PRKAR1B: variants seen among roughly 807,000 people sequenced by gnomAD.
PRKAR1B encodes the protein cAMP-dependent protein kinase type I-beta regulatory subunit.
A neutral mutation model predicts 46.5 loss-of-function variants in PRKAR1B; 22 were observed. The ratio of observed to expected loss-of-function variants is 0.47; its 90% CI spans 0.34 to 0.68. PRKAR1B has a LOEUF of 0.68. PRKAR1B is among the 30% of genes least tolerant of loss of function. The pLI is 0.01. For synonymous variants in PRKAR1B, 259 were observed against 217.7 expected (o/e 1.19, Z -1.67); for missense variants, 445 against 535.6 (o/e 0.83, Z 1.67).
At chr7:589,519 T>C (rs1022723872) in intron 7 of PRKAR1B, among the ~76,000 whole-genome samples, 3 of 151,958 alleles carry the variant, frequency 2.0e-5, no homozygotes, top group African/African-American at 7.3e-5. Flanking sequence ...CCTCCCGAGA[T>C]CCACACTTTC....
In PRKAR1B at chr7:666,496, G is replaced by A. The variant is rs1002937019; in HGVS notation, c.440+10733C>T. Among the ~76,000 whole-genome samples, 8 of 152,216 alleles carry A rather than the reference G, an allele frequency of 5.3e-5. No individual in the cohort carries two copies. Among genetic ancestry groups the A allele is most frequent in the Non-Finnish European group, 1.2e-4 (8 of 68,032 alleles). The stretch of plus-strand genomic sequence containing the variant: ...TGCACCTACCACCACCCTGGGGCCT[G>A]CCCTGGGAGCTACTCAACTCTGCAG... On this transcript the variant is annotated intron_variant, in intron 4 of 10. Transcript: ENST00000537384. The surrounding 1 kb of genome is among the most constrained non-coding windows in gnomAD (Gnocchi z 4.9).
At chr7:694,869 C>T (rs143428152) in intron 2 of PRKAR1B, among the ~76,000 whole-genome samples, 2,129 of 152,158 alleles carry the variant, frequency 0.014, 51 homozygotes, top group African/African-American at 0.048. Flanking sequence ...AACCCCATCT[C>T]TATTAAAAAT....
intron 9 of PRKAR1B, among the ~76,000 whole-genome samples, chr7:568,210 C>T (rs1431995039): frequency 2.0e-5 from 3 of 152,172 alleles, no homozygotes; most frequent in South Asian, 2.1e-4. Context: ...AGCACCCCCT[C>T]GGTCTGGCCC....
chr7:558,733 C>T (rs183882853), intron 9 of PRKAR1B, among the ~76,000 whole-genome samples: 1 of 152,020 alleles, frequency 6.6e-6, no homozygotes, highest in African/African-American at 2.4e-5. Context: ...GCCTGGGCAA[C>T]AAGAGCGAAA....
At chr7:700,187 G>A (rs182933298) in intron 2 of PRKAR1B, among the ~76,000 whole-genome samples, 6 of 152,228 alleles carry the variant, frequency 3.9e-5, no homozygotes, top group African/African-American at 1.2e-4. Context: ...GCTGAGGACT[G>A]AGCTGCAAGC....
chr7:556,585 C>T (rs934206397), intron 9 of PRKAR1B, among the ~76,000 whole-genome samples: 16 of 152,238 alleles, frequency 1.1e-4, no homozygotes, highest in African/African-American at 3.1e-4. Context: ...GGGCCCCACC[C>T]GTGAGGCAAA....
At chr7:694,918 C>T (rs1287525486) in intron 2 of PRKAR1B, among the ~76,000 whole-genome samples, 1 of 152,054 alleles carries the variant, frequency 6.6e-6, no homozygotes, top group African/African-American at 2.4e-5. Context: ...CACCTGTCAT[C>T]CCAGCTACTC....
rs1411311360 is a variant in PRKAR1B, at chr7:680,649, G to T, written c.255C>A (p.Thr85=). Residue 85 remains threonine (T), a synonymous_variant, in exon 3 of 11, where the codon ACC becomes ACA. Coordinates refer to ENST00000537384, the MANE Select transcript of PRKAR1B (RefSeq NM_001164760.2). The part of the protein sequence containing the change: ...SDSHDEEVSP[T]PPNPVVKARR... Reference sequence around the variant, plus strand: ...GGGCCTTCACCACAGGGTTCGGGGGGGTGGGCGACACCTCCTCATCATGGG... The same window carrying T: ...GGGCCTTCACCACAGGGTTCGGGGGTGTGGGCGACACCTCCTCATCATGGG... 3 of 1,613,444 alleles carry T rather than the reference G, an allele frequency of 1.9e-6. No individual in the cohort carries two copies. The highest frequency in any genetic ancestry group is 1.7e-6 in the Non-Finnish European group (2 of 1,179,860).
chr7:701,205 G>A (rs1780042523), intron 2 of PRKAR1B, among the ~76,000 whole-genome samples: 1 of 148,918 alleles, frequency 6.7e-6, no homozygotes, highest in Non-Finnish European at 1.5e-5. Context: ...AGAAAAGAAG[G>A]AAGGAAGGAG....
Position 606,188 on chromosome 7 carries a change from C to A in PRKAR1B, c.549+5G>T. ...ATTTTCCAAAGACAAGTTAGCGACA[C>A]TCACATCCACTTCCCCTTGATCAAC... is the stretch of plus-strand genomic sequence containing the variant. On this transcript the variant is annotated splice_donor_5th_base_variant and intron_variant, in intron 6 of 10. Transcript: ENST00000537384. 1 of 1,613,942 alleles carries A rather than the reference C, an allele frequency of 6.2e-7. No individual in the cohort carries two copies. Among genetic ancestry groups the A allele is most frequent in the Non-Finnish European group, 8.5e-7 (1 of 1,179,856 alleles).
chr7:622,556 A>G (rs1387456957), intron 4 of PRKAR1B, among the ~76,000 whole-genome samples: 1 of 152,154 alleles, frequency 6.6e-6, no homozygotes. Flanking sequence ...GTTTTTTTCA[A>G]CTCTCTATTT....
intron 2 of PRKAR1B, among the ~76,000 whole-genome samples, chr7:689,122 T>A (rs544995779): frequency 4.0e-5 from 6 of 149,012 alleles, no homozygotes; most frequent in East Asian, 3.9e-4. Context: ...GAAAAAAAAA[T>A]TTTTTTTTTT....
At chr7:695,030 C>CAAAA (rs924223625) in intron 2 of PRKAR1B, among the ~76,000 whole-genome samples, 1,970 of 78,478 alleles carry the variant, frequency 0.025, 69 homozygotes, top group African/African-American at 0.083. Flanking sequence ...GACTCCGTCT[C>CAAAA]AAAAAAAAAA....
At chr7:564,559 C>T (rs992162227) in intron 9 of PRKAR1B, among the ~76,000 whole-genome samples, 1 of 152,220 alleles carries the variant, frequency 6.6e-6, no homozygotes, top group African/African-American at 2.4e-5. Context: ...CGCATTCAGG[C>T]CCTCGACTCC....
chr7:621,235 C>T (rs2128473887), intron 4 of PRKAR1B, among the ~76,000 whole-genome samples: 1 of 152,292 alleles, frequency 6.6e-6, no homozygotes, highest in Non-Finnish European at 1.5e-5. Flanking sequence ...AGAACTCAAC[C>T]AGTGAAACCA....
chr7:717,813 T>C (rs1208316620), intron 1 of PRKAR1B, among the ~76,000 whole-genome samples: 2 of 152,152 alleles, frequency 1.3e-5, no homozygotes, highest in Non-Finnish European at 2.9e-5. Context: ...CACTCTCAGA[T>C]GGCCACAGGG....
chr7:643,567 A>G (rs1424976668), intron 4 of PRKAR1B, among the ~76,000 whole-genome samples: 1 of 151,344 alleles, frequency 6.6e-6, no homozygotes, highest in East Asian at 1.9e-4. Flanking sequence ...TAATAAAAAT[A>G]CAAAATTAGC....
In PRKAR1B at chr7:714,282, G is replaced by C. The variant is rs1780796694; in HGVS notation, c.-22-2755C>G. 6.6e-6 allele frequency among the ~76,000 whole-genome samples: 1 copy of C among 152,182 alleles called. No individual in the cohort carries two copies. The highest frequency in any genetic ancestry group is 1.5e-5 in the Non-Finnish European group (1 of 68,022). On this transcript the variant is annotated intron_variant, in intron 1 of 10. Transcript: ENST00000537384. This position sits in a 1 kb window ranked among gnomAD's most constrained non-coding sequence, Gnocchi z 4.3. ...AGACTTCCCCCACACCGTGCCTCTA[G>C]AGGAGAGTGGAGGCACCTCTCTGGC...
intron 8 of PRKAR1B, among the ~76,000 whole-genome samples, chr7:582,360 C>T (rs1288664174): frequency 2.6e-5 from 4 of 152,380 alleles, no homozygotes; most frequent in Middle Eastern, 3.4e-3. Flanking sequence ...CCGAAGCCCA[C>T]GGCTTCAGGC....
Sources: gnomAD v4.1 joint callset for allele counts (sites outside exome capture counted in the v4.1 genomes callset) on GRCh38, gnomAD v4.1.1 for gene constraint, Gnocchi (gnomAD v3.1) non-coding constraint, MANE v1.5 for transcripts, NCBI Gene and HGNC (gene_info 2026-07-23, HGNC 2026-07-21) for gene names.